The following TIAM2 variants were observed in gnomAD, a reference collection of about 807,000 sequenced individuals.
TIAM2 encodes rho guanine nucleotide exchange factor TIAM2.
A neutral mutation model predicts 152.9 loss-of-function variants in TIAM2; 80 were observed. The ratio of observed to expected loss-of-function variants is 0.52; its 90% CI spans 0.44 to 0.63. TIAM2 has a LOEUF of 0.63. Ranked by LOEUF, TIAM2 falls within the 30% of genes least tolerant of loss-of-function variation. The pLI is 0.00. For synonymous variants in TIAM2, 804 were observed against 838.0 expected (o/e 0.96, Z 0.70); for missense variants, 1,965 against 2,120.1 (o/e 0.93, Z 1.44).
At chr6:155,131,084 G>C (rs906694434) in intron 4 of TIAM2, among the ~76,000 whole-genome samples, 1 of 152,230 alleles carries the variant, frequency 6.6e-6, no homozygotes, top group African/African-American at 2.4e-5. Context: ...GCCATAGCCG[G>C]TGTGGCAGCT....
chr6:155,001,765 C>A (rs1778315516), intron 1 of TIAM2, among the ~76,000 whole-genome samples: 1 of 152,158 alleles, frequency 6.6e-6, no homozygotes, highest in Admixed American at 6.5e-5. Flanking sequence ...TCTGAATGTG[C>A]CTTTTGGACA....
intron 1 of TIAM2, among the ~76,000 whole-genome samples, chr6:155,025,081 C>T (rs796455467): frequency 1.3e-5 from 2 of 152,070 alleles, no homozygotes; most frequent in South Asian, 2.1e-4. Flanking sequence ...GGCTGGCGTA[C>T]GGTGGCATGA....
intron 1 of TIAM2, among the ~76,000 whole-genome samples, chr6:155,043,930 C>T (rs187704005): frequency 7.2e-5 from 11 of 152,232 alleles, no homozygotes; most frequent in Middle Eastern, 6.8e-3. Context: ...GCTTCTTACC[C>T]CATAGTGTAC....
chr6:155,154,537 G>A (rs186184518), intron 7 of TIAM2, among the ~76,000 whole-genome samples: 135 of 152,254 alleles, frequency 8.9e-4, no homozygotes, highest in Non-Finnish European at 1.2e-3. Flanking sequence ...CGCCTTTGAA[G>A]TTCCCAGGGA....
chr6:155,243,072 C>G (rs1026685256), intron 16 of TIAM2, among the ~76,000 whole-genome samples: 1 of 151,928 alleles, frequency 6.6e-6, no homozygotes, highest in Non-Finnish European at 1.5e-5. Flanking sequence ...CAAAATCTTT[C>G]GCTCATGGGT....
At chr6:155,196,697 A>G (rs951287121) in intron 14 of TIAM2, among the ~76,000 whole-genome samples, 3 of 152,228 alleles carry the variant, frequency 2.0e-5, no homozygotes, top group African/African-American at 4.8e-5. Context: ...AGGCAAACAC[A>G]TATTTGTTTA....
At chr6:155,248,258 G>A in intron 20 of TIAM2, 79 bp downstream of exon 20, 1 of 1,482,336 alleles carries the variant, frequency 6.7e-7, no homozygotes, top group South Asian at 1.3e-5. Context: ...GGGCCTGACA[G>A]CTCACCTCTT....
At chr6:155,035,875 A>G (rs1469750983) in intron 1 of TIAM2, among the ~76,000 whole-genome samples, 1 of 152,196 alleles carries the variant, frequency 6.6e-6, no homozygotes, top group Non-Finnish European at 1.5e-5. Flanking sequence ...CGATGATACA[A>G]AGACTGTAAC....
chr6:155,016,647 C>T (rs1280576932), intron 1 of TIAM2, among the ~76,000 whole-genome samples: 1 of 142,954 alleles, frequency 7.0e-6, no homozygotes, highest in Non-Finnish European at 1.6e-5. Context: ...GCCTGTAATC[C>T]CAGAACTTTA....
At chr6:155,138,677 C>T (rs1779614899) in intron 5 of TIAM2, among the ~76,000 whole-genome samples, 1 of 152,212 alleles carries the variant, frequency 6.6e-6, no homozygotes, top group South Asian at 2.1e-4. Context: ...TGAGTGAGAA[C>T]ATGCGGTGTT....
At chr6:155,048,211 C>T (rs1363026667) in intron 1 of TIAM2, among the ~76,000 whole-genome samples, 2 of 152,100 alleles carry the variant, frequency 1.3e-5, no homozygotes, top group South Asian at 2.1e-4. Context: ...ACTTGGACTC[C>T]TGAAGTGGTG....
At chr6:155,231,077 A>T (rs1032446038) in intron 15 of TIAM2, among the ~76,000 whole-genome samples, 10 of 152,024 alleles carry the variant, frequency 6.6e-5, no homozygotes, top group African/African-American at 2.4e-4. Flanking sequence ...CCTGACATCA[A>T]GTGATCCGCC....
rs58867200 is a variant in TIAM2 at position 155,000,529 on chromosome 6, C to CAAA, written c.-209+5054_-209+5056dup. 2.1e-3 allele frequency among the ~76,000 whole-genome samples: 203 copies of CAAA among 97,584 alleles called. 6 individuals carry two copies. The highest frequency in any genetic ancestry group is 0.019 in the East Asian group (54 of 2,774). The allele number at this position is 97,584 out of a possible 152,430, so 64.0% of individuals were successfully genotyped here. On this transcript the variant is annotated intron_variant, in intron 1 of 26. Transcript: ENST00000682666. ...CTGGGCAACAAGAGGGAAACTGTTG[C>CAAA]AAAAAAAAAAAAAAAAAAAGCATCC...
chr6:155,129,933 C>G lies in TIAM2; in HGVS notation c.710C>G (p.Ser237Cys). 6.2e-7 allele frequency: 1 copy of G among 1,614,014 alleles called. No homozygotes were observed. Residue 237 changes from serine (S) to cysteine (C), a missense_variant, in exon 4 of 27, where the codon TCC becomes TGC. Around this residue, in one of 3 missense-constraint regions of TIAM2, gnomAD observed 1,025 missense variants for 1,119.4 expected, o/e 0.92. Transcript: ENST00000682666. This position sits in a 1 kb window ranked among gnomAD's most constrained non-coding sequence, Gnocchi z 4.8. ...TCTCCCACGGACTCTCGCCTGCGGT[C>G]CAGCAAAGGCAGCTCCCTGAGTTCT... is the stretch of plus-strand genomic sequence containing the variant. ...RPSPTDSRLR[S>C]SKGSSLSSES...
chr6:155,113,600 T>C (rs957760346), intron 2 of TIAM2, among the ~76,000 whole-genome samples: 4 of 152,050 alleles, frequency 2.6e-5, no homozygotes, highest in Admixed American at 1.3e-4. Context: ...GGTGGGCTCC[T>C]GTAGTGCCAG....
At chr6:155,104,540 G>T (rs1219055327) in intron 2 of TIAM2, among the ~76,000 whole-genome samples, 1 of 152,102 alleles carries the variant, frequency 6.6e-6, no homozygotes, top group Admixed American at 6.5e-5. Context: ...GGCAGATCAT[G>T]AGGTCAGGAG....
intron 1 of TIAM2, among the ~76,000 whole-genome samples, chr6:155,030,922 A>T (rs1211506565): frequency 6.6e-6 from 1 of 152,178 alleles, no homozygotes; most frequent in African/African-American, 2.4e-5. Flanking sequence ...AAAGGTAAGG[A>T]TTCCTCTGGC....
At chr6:155,093,653 A>G (rs1464264219) in intron 2 of TIAM2, among the ~76,000 whole-genome samples, 1 of 152,226 alleles carries the variant, frequency 6.6e-6, no homozygotes, top group East Asian at 1.9e-4. Context: ...CCTCTTTGCA[A>G]TAGTGAGCGT....
chr6:155,248,268 T>TC (rs1184158144), intron 20 of TIAM2, 89 bp downstream of exon 20: 10 of 1,433,644 alleles, frequency 7.0e-6, no homozygotes, highest in Middle Eastern at 5.1e-4. Flanking sequence ...GCTCACCTCT[T>TC]CCCCGCCTAG....
Sources: gnomAD v4.1 joint callset for allele counts (sites outside exome capture counted in the v4.1 genomes callset) on GRCh38, gnomAD v4.1.1 for gene constraint, gnomAD v4.1.1 regional missense constraint, Gnocchi (gnomAD v3.1) non-coding constraint, MANE v1.5 for transcripts, NCBI Gene and HGNC (gene_info 2026-07-23, HGNC 2026-07-21) for gene names.